Variants in RPS6KA5 observed in about 807,000 individuals in gnomAD.
RPS6KA5 encodes ribosomal protein S6 kinase alpha-5.
A neutral mutation model predicts 85.5 loss-of-function variants in RPS6KA5; 27 were observed. The ratio of observed to expected loss-of-function variants is 0.32; its 90% CI spans 0.23 to 0.44. The LOEUF (loss-of-function observed/expected upper bound fraction) is 0.44. RPS6KA5 is among the 20% of genes least tolerant of loss of function. RPS6KA5 has a pLI of 1.00. For missense variants in RPS6KA5, 811 were observed against 980.9 expected (o/e 0.83, Z 2.31); for synonymous variants, 334 against 348.2 (o/e 0.96, Z 0.46).
At chr14:90,893,710 C>G (rs1052511614) in intron 13 of RPS6KA5, among the ~76,000 whole-genome samples, 1 of 151,794 alleles carries the variant, frequency 6.6e-6, no homozygotes, top group Non-Finnish European at 1.5e-5. Context: ...TCATCATTAT[C>G]TTTTTATACA....
intron 7 of RPS6KA5, among the ~76,000 whole-genome samples, chr14:90,914,993 GAATA>G (rs1033798166): frequency 1.3e-5 from 2 of 152,022 alleles, no homozygotes; most frequent in Admixed American, 6.5e-5. Context: ...AGGAAGAAAA[GAATA>G]AACCCCCAGC....
intron 16 of RPS6KA5, 89 bp downstream of exon 16, chr14:90,873,543 A>G: frequency 8.3e-7 from 1 of 1,210,926 alleles, no homozygotes; most frequent in Non-Finnish European, 1.1e-6. Context: ...ATGTGAAACA[A>G]AGAAAACGTA....
Position 90,864,963 on chromosome 14 carries a change from T to A in RPS6KA5, c.*7111A>T, listed in dbSNP as rs189652851. 6.6e-6 allele frequency: 1 copy of A among 152,354 alleles called. No individual in the cohort carries two copies. The highest frequency in any genetic ancestry group is 6.5e-5 in the Admixed American group (1 of 15,298). The allele number at this position is 152,354 out of a possible 1,614,324, so 9.4% of individuals were successfully genotyped here. On this transcript the variant is annotated 3_prime_UTR_variant, in exon 17 of 17. Transcript: ENST00000614987. The stretch of plus-strand genomic sequence containing the variant: ...AACACTTACACATTATTGGTGGGTA[T>A]GTAAATTGGTACAACCATTGTTGAA...
chr14:90,978,635 A>C (rs1235720217), intron 2 of RPS6KA5, 111 bp from the exon 3 acceptor site: 2 of 763,470 alleles, frequency 2.6e-6, no homozygotes, highest in South Asian at 4.1e-5. Flanking sequence ...TTAAAGGAAA[A>C]AGTACCCTTG....
intron 3 of RPS6KA5, among the ~76,000 whole-genome samples, chr14:90,967,183 G>T (rs1014145904): frequency 3.9e-5 from 6 of 152,120 alleles, no homozygotes; most frequent in Admixed American, 1.3e-4. Flanking sequence ...TGATCCTTGT[G>T]CCAATGATTT....
intron 3 of RPS6KA5, among the ~76,000 whole-genome samples, chr14:90,971,225 G>C (rs894346464): frequency 6.6e-6 from 1 of 152,138 alleles, no homozygotes; most frequent in Non-Finnish European, 1.5e-5. Flanking sequence ...GCTGAGGCAG[G>C]AGAATCGCTT....
intron 3 of RPS6KA5, among the ~76,000 whole-genome samples, chr14:90,957,487 C>A (rs1032883753): frequency 6.6e-6 from 1 of 152,188 alleles, no homozygotes; most frequent in Admixed American, 6.6e-5. Flanking sequence ...GGCATTCGAA[C>A]AATGGTTCTA....
At chr14:90,982,050 T>C (rs1266704279) in intron 2 of RPS6KA5, among the ~76,000 whole-genome samples, 1 of 152,208 alleles carries the variant, frequency 6.6e-6, no homozygotes, top group African/African-American at 2.4e-5. Context: ...TGTTGAATAA[T>C]GCTATCTATT....
rs1281008284 is a variant in RPS6KA5 at position 90,848,304 on chromosome 14, T to A, written c.*23770A>T. Reference sequence around the variant, plus strand: ...CTCAAAGAACATCGAAATAACTTCATATCTATAGCAACGAAGGGAACATGG... The same window carrying A: ...CTCAAAGAACATCGAAATAACTTCAAATCTATAGCAACGAAGGGAACATGG... On this transcript the variant is annotated 3_prime_UTR_variant, in exon 17 of 17. Coordinates refer to ENST00000614987, the MANE Select transcript of RPS6KA5 (RefSeq NM_004755.4). 6.6e-6 allele frequency: 1 copy of A among 152,208 alleles called. No individual in the cohort carries two copies. The highest frequency in any genetic ancestry group is 1.9e-4 in the East Asian group (1 of 5,202). 9.4% of individuals were successfully genotyped at this position (152,208 alleles called of 1,614,324 possible).
At position 90,870,070 on chromosome 14, in the gene RPS6KA5, A is replaced by G. The variant is rs1393657568; in HGVS notation, c.*2004T>C. Reference sequence around the variant, plus strand: ...GAAATCAATCACATCATCAATCTGTATACTGTCTGACCATTTTTCTGGATC... The same window carrying G: ...GAAATCAATCACATCATCAATCTGTGTACTGTCTGACCATTTTTCTGGATC... On this transcript the variant is annotated 3_prime_UTR_variant, in exon 17 of 17. Coordinates refer to ENST00000614987, the MANE Select transcript of RPS6KA5 (RefSeq NM_004755.4). 3 of 152,210 alleles carry G rather than the reference A, an allele frequency of 2.0e-5. No individual in the cohort carries two copies. Among genetic ancestry groups the G allele is most frequent in the Non-Finnish European group, 2.9e-5 (2 of 68,024 alleles). The allele number at this position is 152,210 out of a possible 1,614,324, so 9.4% of individuals were successfully genotyped here. A position where few individuals can be genotyped will look rare whatever the true frequency, so the allele number is the denominator to read the frequency against.
intron 1 of RPS6KA5, among the ~76,000 whole-genome samples, chr14:91,038,845 G>C (rs186216824): frequency 1.3e-5 from 2 of 152,278 alleles, no homozygotes; most frequent in Admixed American, 6.5e-5. Flanking sequence ...AGTTGACACA[G>C]TACAAACCCA....
At chr14:90,907,690 G>A (rs1352699645) in intron 7 of RPS6KA5, among the ~76,000 whole-genome samples, 1 of 152,018 alleles carries the variant, frequency 6.6e-6, no homozygotes, top group African/African-American at 2.4e-5. Flanking sequence ...AGAAAATGTT[G>A]GTAAAACAAG....
chr14:91,011,719 T>C (rs1010723657), intron 1 of RPS6KA5, among the ~76,000 whole-genome samples: 2 of 152,226 alleles, frequency 1.3e-5, no homozygotes, highest in African/African-American at 4.8e-5. Context: ...CCTTTGCTTA[T>C]AACTATAGCT....
chr14:90,915,318 C>G (rs923271534), intron 7 of RPS6KA5, among the ~76,000 whole-genome samples: 1 of 152,078 alleles, frequency 6.6e-6, no homozygotes, highest in Non-Finnish European at 1.5e-5. Context: ...TCCTTATAAC[C>G]AATACTGGGT....
chr14:90,852,298 G>A lies in RPS6KA5; in HGVS notation c.*19776C>T, dbSNP rs918195687. Reference sequence around the variant, plus strand: ...TTTATTAGAGACGGGGTTTCACCATGTTAGCCAGGATGGTCTCGACCTCGT... The same window carrying A: ...TTTATTAGAGACGGGGTTTCACCATATTAGCCAGGATGGTCTCGACCTCGT... On this transcript the variant is annotated 3_prime_UTR_variant, in exon 17 of 17. Transcript: ENST00000614987. 3.3e-5 allele frequency: 5 copies of A among 151,940 alleles called. No individual in the cohort carries two copies. Among genetic ancestry groups the A allele is most frequent in the Admixed American group, 6.6e-5 (1 of 15,260 alleles). 9.4% of individuals were successfully genotyped at this position (151,940 alleles called of 1,614,324 possible).
chr14:90,882,481 T>C (rs1376202888), intron 14 of RPS6KA5, among the ~76,000 whole-genome samples: 2 of 152,252 alleles, frequency 1.3e-5, no homozygotes, highest in Non-Finnish European at 2.9e-5. Context: ...TATTTCTTCA[T>C]AAGGCTTTGA....
Position 91,020,533 on chromosome 14 carries a change from ACT to A in RPS6KA5, c.104-19376_104-19375del, listed in dbSNP as rs1491428129. On this transcript the variant is annotated intron_variant, in intron 1 of 16. Transcript: ENST00000614987. ...AATCTCCTATGGATGCTAAGGAATG[ACT>A]GTGTGTGTGTGTGTGTGTGTGTGTG... Among the ~76,000 whole-genome samples, 285 of 77,542 alleles carry A rather than the reference ACT, an allele frequency of 3.7e-3. 2 individuals are homozygous for A. The highest frequency in any genetic ancestry group is 9.8e-3 in the Middle Eastern group (1 of 102). The allele number at this position is 77,542 out of a possible 152,430, so 50.9% of individuals were successfully genotyped here. A position where few individuals can be genotyped will look rare whatever the true frequency, so the allele number is the denominator to read the frequency against.
rs11844726 is a variant in RPS6KA5 at position 90,993,173 on chromosome 14, G to A, written c.175+7915C>T. 4.2e-3 allele frequency among the ~76,000 whole-genome samples: 645 copies of A among 152,256 alleles called. 4 individuals carry two copies. Among genetic ancestry groups the A allele is most frequent in the African/African-American group, 0.014 (594 of 41,532 alleles). ...TTTGAAAATGTTGGCTGGGCGTGGT[G>A]GCTCACACCTGTAATCCCAACACTT... On this transcript the variant is annotated intron_variant, in intron 2 of 16. Coordinates refer to ENST00000614987, the MANE Select transcript of RPS6KA5 (RefSeq NM_004755.4).
intron 5 of RPS6KA5, among the ~76,000 whole-genome samples, chr14:90,924,265 T>C (rs2036549828): frequency 6.6e-6 from 1 of 152,198 alleles, no homozygotes. Flanking sequence ...TCCTGTGTTA[T>C]TCCCTCTGGG....
Sources: allele counts gnomAD v4.1 joint callset (sites outside exome capture counted in the v4.1 genomes callset), GRCh38; gene constraint gnomAD v4.1.1; transcripts MANE v1.5; gene names NCBI Gene and HGNC (gene_info 2026-07-23, HGNC 2026-07-21).